The following SFTPD variants were observed in gnomAD, a reference collection of about 807,000 sequenced individuals.
The protein encoded by SFTPD is pulmonary surfactant-associated protein D.
In SFTPD, 18 loss-of-function variants were observed where a neutral mutation model predicts 34.6. The ratio of observed to expected loss-of-function variants is 0.52; its 90% CI spans 0.36 to 0.77. The LOEUF (loss-of-function observed/expected upper bound fraction) is 0.77. SFTPD is among the 30% of genes least tolerant of loss of function. The probability of loss-of-function intolerance (pLI) is 0.00; values close to 1 mark genes in which losing one functional copy is unlikely to be tolerated. For missense variants in SFTPD, 433 were observed against 468.9 expected (o/e 0.92, Z 0.71); for synonymous variants, 155 against 180.9 (o/e 0.86, Z 1.15).
At chr10:79,941,803 C>G in intron 5 of SFTPD, 151 bp downstream of exon 5, 1 of 689,470 alleles carries the variant, frequency 1.5e-6, no homozygotes, top group South Asian at 1.7e-5. Context: ...CCAGAGCCCC[C>G]TCATGCACCC....
At chr10:79,947,679 G>A (rs975168514) in intron 1 of SFTPD, among the ~76,000 whole-genome samples, 1 of 152,136 alleles carries the variant, frequency 6.6e-6, no homozygotes, top group African/African-American at 2.4e-5. Flanking sequence ...AAGAGAGTGA[G>A]ACTCCATCTC....
chr10:79,976,091 G>A (rs192571700), intron 1 of SFTPD, among the ~76,000 whole-genome samples: 1 of 152,238 alleles, frequency 6.6e-6, no homozygotes, highest in African/African-American at 2.4e-5. Flanking sequence ...CAACACAGAA[G>A]TGGTGGGCTA....
chr10:79,975,613 G>A (rs139574225), intron 1 of SFTPD, among the ~76,000 whole-genome samples: 341 of 152,206 alleles, frequency 2.2e-3, no homozygotes, highest in Admixed American at 4.3e-3. Flanking sequence ...CTAACCCAGC[G>A]GCACTAGAGG....
chr10:79,955,431 C>T (rs1414294936), intron 1 of SFTPD, among the ~76,000 whole-genome samples: 1 of 151,934 alleles, frequency 6.6e-6, no homozygotes, highest in Non-Finnish European at 1.5e-5. Context: ...ATATAGGGAT[C>T]CTGAAGTAAA....
chr10:79,968,196 C>A (rs1262686051), intron 1 of SFTPD: 1 of 141,702 alleles, frequency 7.1e-6, no homozygotes, highest in Admixed American at 7.3e-5. Context: ...AAAATAATTT[C>A]AACTTTTATT....
intron 1 of SFTPD, among the ~76,000 whole-genome samples, chr10:79,958,140 C>G (rs1257437398): frequency 3.9e-5 from 6 of 152,134 alleles, no homozygotes; most frequent in Non-Finnish European, 7.4e-5. Context: ...TAAAAGAGCT[C>G]CTGAAGGAAG....
intron 1 of SFTPD, among the ~76,000 whole-genome samples, chr10:79,976,237 G>C (rs1178710583): frequency 1.3e-5 from 2 of 152,160 alleles, no homozygotes; most frequent in African/African-American, 2.4e-5. Flanking sequence ...TTTAAGATTT[G>C]GGGAAACTTG....
intron 1 of SFTPD, 53 bp from the exon 2 acceptor site, chr10:79,946,715 T>C: frequency 3.3e-6 from 5 of 1,529,258 alleles, no homozygotes; most frequent in Admixed American, 1.8e-5. Context: ...ATGGACATGG[T>C]TTAGGGCTTG....
At chr10:79,953,114 C>G (rs1282793814), upstream of SFTPD, among the ~76,000 whole-genome samples, 1 of 152,234 alleles carries the variant, frequency 6.6e-6, no homozygotes, top group African/African-American at 2.4e-5. Context: ...GATTATTCAA[C>G]TGCAATTTTG....
chr10:79,965,370 C>T (rs530390862), intron 1 of SFTPD, among the ~76,000 whole-genome samples: 1 of 152,042 alleles, frequency 6.6e-6, no homozygotes, highest in African/African-American at 2.4e-5. Flanking sequence ...CCCACAATAT[C>T]ACCCCTTACC....
intron 1 of SFTPD, among the ~76,000 whole-genome samples, chr10:79,976,942 G>A (rs916523831): frequency 2.0e-5 from 3 of 152,268 alleles, no homozygotes; most frequent in Admixed American, 6.5e-5. Flanking sequence ...ATTTATCAAG[G>A]GTTTCTGCTT....
At chr10:79,945,999 C>T (rs147377813) in intron 2 of SFTPD, among the ~76,000 whole-genome samples, 79 of 152,304 alleles carry the variant, frequency 5.2e-4, no homozygotes, top group African/African-American at 1.8e-3. Context: ...CTTTTCTCCC[C>T]GTGTAATGTA....
intron 7 of SFTPD, among the ~76,000 whole-genome samples, chr10:79,939,011 C>T (rs185620995): frequency 7.4e-4 from 112 of 152,288 alleles, no homozygotes; most frequent in Admixed American, 1.4e-3. Flanking sequence ...ATCCACATTG[C>T]GTGGGCAAGG....
intron 1 of SFTPD, among the ~76,000 whole-genome samples, chr10:79,975,923 C>T (rs1219965695): frequency 6.6e-6 from 1 of 152,208 alleles, no homozygotes; most frequent in African/African-American, 2.4e-5. Context: ...GGTTTTCCAC[C>T]CTGGGTGGGC....
intron 1 of SFTPD, among the ~76,000 whole-genome samples, chr10:79,978,651 C>CAAAAA (rs58759979): frequency 5.8e-5 from 3 of 51,974 alleles, no homozygotes; most frequent in Non-Finnish European, 6.9e-5. Flanking sequence ...CACCCTGTCT[C>CAAAAA]AAAAAAAAAA....
At chr10:79,950,072 G>T (rs370508258), upstream of SFTPD, 3 of 151,972 alleles carry the variant, frequency 2.0e-5, no homozygotes, top group African/African-American at 7.3e-5. Context: ...CAAACTCCTG[G>T]TCTCAAGCAA....
chr10:79,946,578 G>A lies in SFTPD; in HGVS notation c.82C>T (p.His28Tyr). The A allele has an allele frequency of 1.2e-6, 2 of 1,614,196 alleles. No homozygotes were observed. The highest frequency in any genetic ancestry group is 1.7e-6 in the Non-Finnish European group (2 of 1,179,990). ...GTGCAAGCACTGGGCATTGTTCTGT[G>A]GGAGTAGGTCTTCATTTCTGCTTCC... ...YLEAEMKTYS[H>Y]RTMPSACTLV... Residue 28 changes from histidine (H) to tyrosine (Y), a missense_variant, in exon 2 of 8, where the codon CAC (histidine) becomes TAC (tyrosine). By Grantham distance (83) the His-to-Tyr change is moderately conservative (BLOSUM62 2). Coordinates refer to ENST00000372292, the MANE Select transcript of SFTPD (RefSeq NM_003019.5).
At chr10:79,946,128 A>T (rs1277025144) in intron 2 of SFTPD, among the ~76,000 whole-genome samples, 1 of 152,218 alleles carries the variant, frequency 6.6e-6, no homozygotes, top group African/African-American at 2.4e-5. Flanking sequence ...CTGCACAGGC[A>T]TCATTTAATT....
intron 5 of SFTPD, 68 bp from the exon 6 acceptor site, chr10:79,941,582 C>G (rs748584169): frequency 2.3e-4 from 285 of 1,221,422 alleles, no homozygotes; most frequent in Non-Finnish European, 3.1e-4. Context: ...GCATTTTTAC[C>G]TTCCCATACA....
Sources: allele counts gnomAD v4.1 joint callset (sites outside exome capture counted in the v4.1 genomes callset), GRCh38; gene constraint gnomAD v4.1.1; transcripts MANE v1.5; gene names NCBI Gene and HGNC (gene_info 2026-07-23, HGNC 2026-07-21).